Variants in KIF1B observed in about 807,000 individuals in gnomAD.
The protein encoded by KIF1B is kinesin family member 1B, also known as kinesin-like protein KIF1B.
A neutral mutation model predicts 241.9 loss-of-function variants in KIF1B; 76 were observed. The observed-to-expected ratio is 0.31, with a 90% CI of 0.26 to 0.38. The LOEUF (loss-of-function observed/expected upper bound fraction) is 0.38. Ranked by LOEUF, KIF1B falls within the 10% of genes least tolerant of loss-of-function variation. The pLI is 1.00. For synonymous variants in KIF1B, 750 were observed against 796.7 expected (o/e 0.94, Z 0.99); for missense variants, 1,622 against 2,271.4 (o/e 0.71, Z 5.81).
At position 10,268,178 on chromosome 1, in the gene KIF1B, A is replaced by C; in HGVS notation, c.635A>C (p.Glu212Ala). 2 of 1,613,974 alleles carry C rather than the reference A, an allele frequency of 1.2e-6. No individual in the cohort carries two copies. The highest frequency in any genetic ancestry group is 1.7e-6 in the Non-Finnish European group (2 of 1,179,882). ...ARTVAATNMN[E>A]TSSRSHAVFT... ...ACAGTGGCAGCTACAAACATGAATG[A>C]AACAAGTAGCCGTTCCCACGCTGTG... The change falls in exon 7 of 49, where the codon GAA (glutamate) becomes GCA (alanine). Residue 212 changes from glutamate to alanine, a missense_variant. Coordinates refer to ENST00000676179, the MANE Select transcript of KIF1B (RefSeq NM_001365951.3).
Position 10,334,617 on chromosome 1 carries a change from G to C in KIF1B, c.3022G>C (p.Val1008Leu). ...EKGEVRGFLR[V>L]AVQAIAADEE... ...AGGTGAAGTGCGGGGATTTCTGCGT[G>C]TGGCTGTACAGGCCATCGCAGGTAG... The change falls in exon 28 of 49, where the codon GTG (valine) becomes CTG (leucine). Residue 1008 changes from valine (V) to leucine (L), a missense_variant. Val to Leu is a conservative substitution (Grantham distance 32). Around this residue, in one of 7 missense-constraint regions of KIF1B, gnomAD observed 803 missense variants for 1,112.0 expected, o/e 0.72. Transcript: ENST00000676179. 6.2e-7 allele frequency: 1 copy of C among 1,613,804 alleles called. No homozygotes were observed. Among genetic ancestry groups the C allele is most frequent in the Non-Finnish European group, 8.5e-7 (1 of 1,179,706 alleles).
At chr1:10,308,105 C>T in intron 22 of KIF1B, 2 of 1,060,546 alleles carry the variant, frequency 1.9e-6, no homozygotes, top group Non-Finnish European at 2.3e-6. Flanking sequence ...ACATAGACTT[C>T]CTGCAGTCAG....
chr1:10,380,308 T>C lies in KIF1B; in HGVS notation c.*3721T>C. 9.5e-6 allele frequency: 2 copies of C among 210,200 alleles called. No individual in the cohort carries two copies. The highest frequency in any genetic ancestry group is 1.9e-5 in the Non-Finnish European group (2 of 103,180). 13.0% of individuals were successfully genotyped at this position (210,200 alleles called of 1,614,324 possible). A position where few individuals can be genotyped will look rare whatever the true frequency, so the allele number is the denominator to read the frequency against. On this transcript the variant is annotated 3_prime_UTR_variant, in exon 49 of 49. Coordinates refer to ENST00000676179, the MANE Select transcript of KIF1B (RefSeq NM_001365951.3). ...TACTCTTTCTGCATTTCCCTCGTGC[T>C]GTGTCCCGCTCGGGTTCCAATGGAC...
At chr1:10,265,583 AC>A (rs1482434311) in intron 5 of KIF1B, among the ~76,000 whole-genome samples, 2 of 152,078 alleles carry the variant, frequency 1.3e-5, no homozygotes, top group Non-Finnish European at 2.9e-5. Flanking sequence ...GGTGGCTCAC[AC>A]CTGTAATCCC....
In KIF1B at chr1:10,375,309, C is replaced by T. The variant is rs755810802; in HGVS notation, c.5344C>T (p.Leu1782Phe). The part of the protein sequence containing the change: ...TKHRGVLLQA[L>F]NDKDMNDWLY... Reference sequence around the variant, plus strand: ...GCACCGTGGGGTCCTTTTGCAGGCCCTCAATGACAAAGACATGAACGACTG... The same window carrying T: ...GCACCGTGGGGTCCTTTTGCAGGCCTTCAATGACAAAGACATGAACGACTG... Residue 1782 changes from leucine to phenylalanine, a missense_variant, in exon 48 of 49, where the codon CTC (leucine) becomes TTC (phenylalanine). Around this residue, in one of 7 missense-constraint regions of KIF1B, gnomAD observed 357 missense variants for 409.0 expected, o/e 0.87. Coordinates refer to ENST00000676179, the MANE Select transcript of KIF1B (RefSeq NM_001365951.3). 6.2e-7 allele frequency: 1 copy of T among 1,614,172 alleles called. No homozygotes were observed. The highest frequency in any genetic ancestry group is 8.5e-7 in the Non-Finnish European group (1 of 1,180,040).
intron 24 of KIF1B, 46 bp downstream of exon 24, chr1:10,321,903 T>A: frequency 3.1e-6 from 5 of 1,609,806 alleles, no homozygotes; most frequent in Non-Finnish European, 4.2e-6. Context: ...AAGCCGAGCC[T>A]GCTGTGGGTG....
intron 2 of KIF1B, among the ~76,000 whole-genome samples, chr1:10,253,942 T>C (rs1284501496): frequency 6.6e-6 from 1 of 152,212 alleles, no homozygotes; most frequent in Non-Finnish European, 1.5e-5. Flanking sequence ...TAGCAACTGT[T>C]GCTATTTGTG....
At chr1:10,359,580 TATTAA>T (rs574268138) in intron 38 of KIF1B, among the ~76,000 whole-genome samples, 2 of 152,198 alleles carry the variant, frequency 1.3e-5, no homozygotes, top group Non-Finnish European at 2.9e-5. Flanking sequence ...TGTGGGTATC[TATTAA>T]ATTAAGTTTC....
intron 2 of KIF1B, among the ~76,000 whole-genome samples, chr1:10,255,453 A>G (rs1308555339): frequency 2.0e-5 from 3 of 151,968 alleles, no homozygotes; most frequent in Admixed American, 1.3e-4. Context: ...AGCCAGTTGT[A>G]GTGGTGGATG....
intron 1 of KIF1B, among the ~76,000 whole-genome samples, chr1:10,211,163 C>T (rs1646688483): frequency 6.6e-6 from 1 of 152,208 alleles, no homozygotes; most frequent in East Asian, 1.9e-4. Flanking sequence ...GCCCAGCGCT[C>T]TCCAGACCCG....
chr1:10,259,691 C>CG (rs1026185403), intron 4 of KIF1B, among the ~76,000 whole-genome samples: 1 of 151,714 alleles, frequency 6.6e-6, no homozygotes, highest in Non-Finnish European at 1.5e-5. Flanking sequence ...TTAGTAGAGG[C>CG]GGGGTTTCAC....
chr1:10,212,014 C>A (rs1332683216), intron 1 of KIF1B, among the ~76,000 whole-genome samples: 2 of 152,116 alleles, frequency 1.3e-5, no homozygotes, highest in Non-Finnish European at 2.9e-5. Context: ...TTTCTGAGGA[C>A]GCAGGCTGTC....
intron 45 of KIF1B, 80 bp downstream of exon 45, chr1:10,371,342 T>C: frequency 6.5e-7 from 1 of 1,540,040 alleles, no homozygotes; most frequent in Admixed American, 1.7e-5. Context: ...CAATGGTTCT[T>C]GACTGAAGGC....
At chr1:10,214,814 C>A (rs146214828) in intron 1 of KIF1B, among the ~76,000 whole-genome samples, 1 of 151,886 alleles carries the variant, frequency 6.6e-6, no homozygotes, top group African/African-American at 2.4e-5. Context: ...AACTCCTGAC[C>A]TTGTGATCCA....
At chr1:10,333,577 A>G (rs955295232) in intron 27 of KIF1B, among the ~76,000 whole-genome samples, 8 of 151,590 alleles carry the variant, frequency 5.3e-5, no homozygotes, top group Non-Finnish European at 8.8e-5. Context: ...CGATAGTCCC[A>G]GGTACTCGGG....
At chr1:10,219,048 A>G (rs1646805141) in intron 1 of KIF1B, among the ~76,000 whole-genome samples, 1 of 152,212 alleles carries the variant, frequency 6.6e-6, no homozygotes, top group Non-Finnish European at 1.5e-5. Context: ...AGGGAAAGAT[A>G]AATTGTACAA....
chr1:10,241,805 A>C (rs948730168), intron 2 of KIF1B, among the ~76,000 whole-genome samples: 1 of 152,024 alleles, frequency 6.6e-6, no homozygotes, highest in Non-Finnish European at 1.5e-5. Flanking sequence ...TTTGGAGTTC[A>C]TTTTTAAAAG....
At chr1:10,297,450 C>A (rs534199088) in intron 22 of KIF1B, among the ~76,000 whole-genome samples, 1 of 152,128 alleles carries the variant, frequency 6.6e-6, no homozygotes, top group Non-Finnish European at 1.5e-5. Flanking sequence ...CTCTTTTGGG[C>A]TTTTTATGTC....
chr1:10,242,339 G>A (rs1399628802), intron 2 of KIF1B, among the ~76,000 whole-genome samples: 1 of 152,030 alleles, frequency 6.6e-6, no homozygotes, highest in Non-Finnish European at 1.5e-5. Flanking sequence ...CCTACAGGGC[G>A]TAGCCTACTC....
Sources: allele counts gnomAD v4.1 joint callset (sites outside exome capture counted in the v4.1 genomes callset), GRCh38; gene constraint gnomAD v4.1.1; regional missense constraint gnomAD v4.1.1; transcripts MANE v1.5; gene names NCBI Gene and HGNC (gene_info 2026-07-23, HGNC 2026-07-21).